Variants in OR5AN1 observed in about 807,000 individuals in gnomAD.
OR5AN1 encodes the protein olfactory receptor family 5 subfamily AN member 1.
For synonymous variants in OR5AN1, 167 were observed against 131.8 expected, an observed-to-expected ratio of 1.27 and a Z score of -1.83; for missense variants, 476 against 368.9, an observed-to-expected ratio of 1.29 and a Z score of -2.38.
chr11:59,359,665 T>G (rs1367685071), intron 1 of OR5AN1: 1 of 152,210 alleles, frequency 6.6e-6, no homozygotes, highest in East Asian at 1.9e-4. Flanking sequence ...TATAAGGCTG[T>G]TAGAACTTCT....
Position 59,365,968 on chromosome 11 carries a change from T to A in OR5AN1, c.*574T>A, listed in dbSNP as rs1341708316. On this transcript the variant is annotated 3_prime_UTR_variant, in exon 2 of 2. Transcript: ENST00000641998. Reference sequence around the variant, plus strand: ...TTAAGAAAGAGCAACATGAGATAGCTGCAGTTTGCCTAAGACCTCTCTCAG... The same window carrying A: ...TTAAGAAAGAGCAACATGAGATAGCAGCAGTTTGCCTAAGACCTCTCTCAG... 6.6e-6 allele frequency: 1 copy of A among 152,264 alleles called. No individual in the cohort carries two copies. The highest frequency in any genetic ancestry group is 1.5e-5 in the Non-Finnish European group (1 of 68,064). 9.4% of individuals were successfully genotyped at this position (152,264 alleles called of 1,614,324 possible).
chr11:59,365,184 T>G lies in OR5AN1; in HGVS notation c.726T>G (p.Cys242Trp). The stretch of plus-strand genomic sequence containing the variant: ...GCAGGTCCAAGGCATTCAACACCTG[T>G]GCTTCTCATCTAACAGCTGTTTCCC... ...AKGRSKAFNT[C>W]ASHLTAVSLF... Residue 242 changes from cysteine to tryptophan, a missense_variant, in exon 2 of 2, where the codon TGT becomes TGG. By Grantham distance (215) the Cys-to-Trp change is radical. Transcript: ENST00000641998. The G allele has an allele frequency of 6.2e-7, 1 of 1,614,090 alleles. No individual in the cohort carries two copies. The highest frequency in any genetic ancestry group is 2.2e-5 in the East Asian group (1 of 44,872).
intron 1 of OR5AN1, among the ~76,000 whole-genome samples, chr11:59,363,947 G>A (rs1857493376): frequency 6.6e-6 from 1 of 152,118 alleles, no homozygotes; most frequent in South Asian, 2.1e-4. Context: ...ATTTTTAGTA[G>A]AGATGGGGTT....
chr11:59,364,992 C>T lies in OR5AN1; in HGVS notation c.534C>T (p.Phe178=). 1 of 1,614,142 alleles carries T rather than the reference C, an allele frequency of 6.2e-7. No homozygotes were observed. The highest frequency in any genetic ancestry group is 2.2e-5 in the East Asian group (1 of 44,872). The change falls in exon 2 of 2, where the codon TTC becomes TTT. Residue 178 remains phenylalanine (F), a synonymous_variant. Coordinates refer to ENST00000641998, the MANE Select transcript of OR5AN1 (RefSeq NM_001004729.2). ...HFCGSNVIRH[F]FCDMPQLLIL... The stretch of plus-strand genomic sequence containing the variant: ...GTGGGTCTAATGTCATCAGACATTT[C>T]TTCTGTGACATGCCCCAACTGTTAA...
rs1407925455 is a variant in OR5AN1, at chr11:59,367,095, C to A, written c.*1701C>A. 3 of 152,010 alleles carry A rather than the reference C, an allele frequency of 2.0e-5. No individual in the cohort carries two copies. The highest frequency in any genetic ancestry group is 2.0e-4 in the Admixed American group (3 of 15,248). 9.4% of individuals were successfully genotyped at this position (152,010 alleles called of 1,614,324 possible). On this transcript the variant is annotated 3_prime_UTR_variant, in exon 2 of 2. Coordinates refer to ENST00000641998, the MANE Select transcript of OR5AN1 (RefSeq NM_001004729.2). ...TTTGAAAAGAAATACAATAAAGTAA[C>A]AAAGCTGTGAATCAGAAAAAAATTG...
rs997904407 is a variant in OR5AN1, at chr11:59,371,692, G to A, written c.*6298G>A. Reference sequence around the variant, plus strand: ...CAAATTTGGAAAAAATTATAGGATAGGCAACAGATAAAGGTATGAAGTCAT... The same window carrying A: ...CAAATTTGGAAAAAATTATAGGATAAGCAACAGATAAAGGTATGAAGTCAT... On this transcript the variant is annotated 3_prime_UTR_variant, in exon 2 of 2. Transcript: ENST00000641998. The A allele has an allele frequency of 6.6e-6, 1 of 152,210 alleles. No individual in the cohort carries two copies. The allele number at this position is 152,210 out of a possible 1,614,324, so 9.4% of individuals were successfully genotyped here. A position where few individuals can be genotyped will look rare whatever the true frequency, so the allele number is the denominator to read the frequency against.
In OR5AN1 at chr11:59,364,834, G is replaced by T. The variant is rs1271935852; in HGVS notation, c.376G>T (p.Ala126Ser). Residue 126 changes from alanine (A) to serine (S), a missense_variant, in exon 2 of 2, where the codon GCC becomes TCC. By Grantham distance (99) the Ala-to-Ser change is moderately conservative. Transcript: ENST00000641998. The part of the protein sequence containing the change: ...MTAMAYDRYA[A>S]ICNPLLYSSI... ...AGCCATGGCTTATGATCGTTATGCT[G>T]CCATTTGTAACCCCCTGCTCTATTC... 1 of 1,613,878 alleles carries T rather than the reference G, an allele frequency of 6.2e-7. No individual in the cohort carries two copies. Among genetic ancestry groups the T allele is most frequent in the Non-Finnish European group, 8.5e-7 (1 of 1,179,856 alleles).
chr11:59,364,929 T>C lies in OR5AN1; in HGVS notation c.471T>C (p.Ser157=). Residue 157 remains serine, a synonymous_variant, in exon 2 of 2, where the codon TCT becomes TCC. Transcript: ENST00000641998. The part of the protein sequence containing the change: ...LGAYMTGLTA[S]LFQIGALLQL... The stretch of plus-strand genomic sequence containing the variant: ...CCTACATGACTGGCCTCACTGCTTC[T>C]TTATTCCAAATTGGTGCTTTGCTTC... 2 of 1,614,154 alleles carry C rather than the reference T, an allele frequency of 1.2e-6. No individual in the cohort carries two copies. The highest frequency in any genetic ancestry group is 1.1e-5 in the South Asian group (1 of 91,082).
chr11:59,369,278 G>C lies in OR5AN1; in HGVS notation c.*3884G>C, dbSNP rs1195240910. The C allele has an allele frequency of 4.6e-5, 7 of 151,852 alleles. No individual in the cohort carries two copies. The highest frequency in any genetic ancestry group is 1.7e-4 in the African/African-American group (7 of 41,328). 9.4% of individuals were successfully genotyped at this position (151,852 alleles called of 1,614,324 possible). ...GTCCTTAACCAGGCCAAACTGGCTA[G>C]AATGACAGAAATAGAATTCAGAATA... On this transcript the variant is annotated 3_prime_UTR_variant, in exon 2 of 2. Transcript: ENST00000641998.
rs1249637029 is a variant in OR5AN1 at position 59,368,714 on chromosome 11, G to A, written c.*3320G>A. On this transcript the variant is annotated 3_prime_UTR_variant, in exon 2 of 2. Transcript: ENST00000641998. ...CCAGGAGTCAAACAAATGACCCTTA[G>A]CCACAACCATTACGAAGATCTCTTC... is the stretch of plus-strand genomic sequence containing the variant. 2 of 152,286 alleles carry A rather than the reference G, an allele frequency of 1.3e-5. No individual in the cohort carries two copies. Among genetic ancestry groups the A allele is most frequent in the East Asian group, 3.8e-4 (2 of 5,196 alleles). The allele number at this position is 152,286 out of a possible 1,614,324, so 9.4% of individuals were successfully genotyped here. A position where few individuals can be genotyped will look rare whatever the true frequency, so the allele number is the denominator to read the frequency against.
In OR5AN1 at chr11:59,368,966, C is replaced by T. The variant is rs1857564302; in HGVS notation, c.*3572C>T. 6.6e-6 allele frequency: 1 copy of T among 152,214 alleles called. No individual in the cohort carries two copies. Among genetic ancestry groups the T allele is most frequent in the Non-Finnish European group, 1.5e-5 (1 of 68,060 alleles). 9.4% of individuals were successfully genotyped at this position (152,214 alleles called of 1,614,324 possible). A position where few individuals can be genotyped will look rare whatever the true frequency, so the allele number is the denominator to read the frequency against. On this transcript the variant is annotated 3_prime_UTR_variant, in exon 2 of 2. Coordinates refer to ENST00000641998, the MANE Select transcript of OR5AN1 (RefSeq NM_001004729.2). ...AGCTGTCCTGTAAGCCTAGGTATCACCTACTGAATCACACCTCAAAACTTC... is the reference window on the plus strand; with the variant it reads ...AGCTGTCCTGTAAGCCTAGGTATCATCTACTGAATCACACCTCAAAACTTC...
In OR5AN1 at chr11:59,367,761, T is replaced by C. The variant is rs915764466; in HGVS notation, c.*2367T>C. ...ATAGCCAGACTATGCTTTAGGTGGG[T>C]GTCCAATCCCATTCCTCTTCACTGG... On this transcript the variant is annotated 3_prime_UTR_variant, in exon 2 of 2. Transcript: ENST00000641998. 2 of 152,232 alleles carry C rather than the reference T, an allele frequency of 1.3e-5. No homozygotes were observed. Among genetic ancestry groups the C allele is most frequent in the Non-Finnish European group, 2.9e-5 (2 of 68,112 alleles). The allele number at this position is 152,232 out of a possible 1,614,324, so 9.4% of individuals were successfully genotyped here.
In OR5AN1 at chr11:59,368,128, G is replaced by A. The variant is rs1565054489; in HGVS notation, c.*2734G>A. On this transcript the variant is annotated 3_prime_UTR_variant, in exon 2 of 2. Coordinates refer to ENST00000641998, the MANE Select transcript of OR5AN1 (RefSeq NM_001004729.2). Reference sequence around the variant, plus strand: ...GGCCACCAAAACTGCATACCTCCCTGGGACAAAGCTCTCAGAGGAAGGGAC... The same window carrying A: ...GGCCACCAAAACTGCATACCTCCCTAGGACAAAGCTCTCAGAGGAAGGGAC... 6.6e-6 allele frequency: 1 copy of A among 152,268 alleles called. No homozygotes were observed. The highest frequency in any genetic ancestry group is 1.5e-5 in the Non-Finnish European group (1 of 68,116). 9.4% of individuals were successfully genotyped at this position (152,268 alleles called of 1,614,324 possible).
At position 59,369,378 on chromosome 11, in the gene OR5AN1, A is replaced by G. The variant is rs535515943; in HGVS notation, c.*3984A>G. 3.3e-5 allele frequency: 5 copies of G among 152,308 alleles called. No individual in the cohort carries two copies. Among genetic ancestry groups the G allele is most frequent in the Admixed American group, 6.5e-5 (1 of 15,292 alleles). The allele number at this position is 152,308 out of a possible 1,614,324, so 9.4% of individuals were successfully genotyped here. On this transcript the variant is annotated 3_prime_UTR_variant, in exon 2 of 2. Transcript: ENST00000641998. ...ATCCAAGAAAAATAAGAATCACAAT[A>G]AAGTGACACAGAAGCTGAAAGAAAA...
chr11:59,371,524 C>G lies in OR5AN1; in HGVS notation c.*6130C>G, dbSNP rs942171817. 2 of 152,212 alleles carry G rather than the reference C, an allele frequency of 1.3e-5. No individual in the cohort carries two copies. Among genetic ancestry groups the G allele is most frequent in the African/African-American group, 2.4e-5 (1 of 41,450 alleles). 9.4% of individuals were successfully genotyped at this position (152,212 alleles called of 1,614,324 possible). The stretch of plus-strand genomic sequence containing the variant: ...TGCATCTATGCTCCAGCTTCCAGGA[C>G]TCCTCCCTATGCCAGAGACATTATA... On this transcript the variant is annotated 3_prime_UTR_variant, in exon 2 of 2. Transcript: ENST00000641998.
intron 1 of OR5AN1, among the ~76,000 whole-genome samples, chr11:59,362,022 G>A (rs1051673862): frequency 6.6e-6 from 1 of 151,910 alleles, no homozygotes; most frequent in Non-Finnish European, 1.5e-5. Context: ...CAGAGAGAGA[G>A]AAGAGAGCGG....
In OR5AN1 at chr11:59,370,406, A is replaced by T. The variant is rs1857581821; in HGVS notation, c.*5012A>T. ...ACACACACAGGCTCAAAATAAAGGG[A>T]AGGAGAAACTTCCATGGCTGATTTG... On this transcript the variant is annotated 3_prime_UTR_variant, in exon 2 of 2. Coordinates refer to ENST00000641998, the MANE Select transcript of OR5AN1 (RefSeq NM_001004729.2). The T allele has an allele frequency of 6.6e-6, 1 of 152,180 alleles. No individual in the cohort carries two copies. The allele number at this position is 152,180 out of a possible 1,614,324, so 9.4% of individuals were successfully genotyped here.
rs1194706990 is a variant in OR5AN1, at chr11:59,367,877, G to A, written c.*2483G>A. On this transcript the variant is annotated 3_prime_UTR_variant, in exon 2 of 2. Coordinates refer to ENST00000641998, the MANE Select transcript of OR5AN1 (RefSeq NM_001004729.2). ...TTATCCCTGAGATGGCACTCACAGAGGGAGAAGTGGGTTACCATCTTTGCT... is the reference window on the plus strand; with the variant it reads ...TTATCCCTGAGATGGCACTCACAGAAGGAGAAGTGGGTTACCATCTTTGCT... 1.3e-5 allele frequency: 2 copies of A among 152,282 alleles called. No individual in the cohort carries two copies. The highest frequency in any genetic ancestry group is 1.9e-4 in the East Asian group (1 of 5,196). 9.4% of individuals were successfully genotyped at this position (152,282 alleles called of 1,614,324 possible).
chr11:59,369,751 A>G lies in OR5AN1; in HGVS notation c.*4357A>G, dbSNP rs1168252960. 6.6e-6 allele frequency: 1 copy of G among 152,226 alleles called. No homozygotes were observed. The highest frequency in any genetic ancestry group is 1.5e-5 in the Non-Finnish European group (1 of 68,038). 9.4% of individuals were successfully genotyped at this position (152,226 alleles called of 1,614,324 possible). ...GCTAGAGAGGACAACAGTCAAATTC[A>G]GTAAATACAGAGAAGTCCTTCAAGA... On this transcript the variant is annotated 3_prime_UTR_variant, in exon 2 of 2. Transcript: ENST00000641998.
Sources: gnomAD v4.1 joint callset for allele counts (sites outside exome capture counted in the v4.1 genomes callset) on GRCh38, gnomAD v4.1.1 for gene constraint, MANE v1.5 for transcripts, NCBI Gene and HGNC (gene_info 2026-07-23, HGNC 2026-07-21) for gene names.